RFX3: variants seen among roughly 807,000 people sequenced by gnomAD.
RFX3 encodes the protein regulatory factor X3.
In RFX3, 14 loss-of-function variants were observed where a neutral mutation model predicts 98.6. The ratio of observed to expected loss-of-function variants is 0.14; its 90% CI spans 0.09 to 0.22. The LOEUF (loss-of-function observed/expected upper bound fraction) is 0.22. RFX3 is among the 10% of genes least tolerant of loss of function. RFX3 has a pLI of 1.00. For missense variants in RFX3, 639 were observed against 926.9 expected, an observed-to-expected ratio of 0.69 and a Z score of 4.03; for synonymous variants, 383 against 328.4, an observed-to-expected ratio of 1.17 and a Z score of -1.80.
chr9:3,457,232 C>T (rs1032921600), intron 1 of RFX3, among the ~76,000 whole-genome samples: 51 of 150,262 alleles, frequency 3.4e-4, no homozygotes, highest in Non-Finnish European at 6.4e-4. Context: ...AGAATTCTAC[C>T]TTTTCCTCTC....
chr9:3,339,328 T>C (rs1473469554), intron 3 of RFX3, among the ~76,000 whole-genome samples: 1 of 152,156 alleles, frequency 6.6e-6, no homozygotes, highest in African/African-American at 2.4e-5. Context: ...AAATCAATTT[T>C]AGCAGAAATG....
At chr9:3,519,090 A>G (rs1371415543) in intron 1 of RFX3, among the ~76,000 whole-genome samples, 2 of 152,228 alleles carry the variant, frequency 1.3e-5, no homozygotes, top group South Asian at 2.1e-4. Context: ...AAATAAAAAT[A>G]TAAGTGGGAC....
chr9:3,424,439 G>A (rs1000805783), intron 1 of RFX3, among the ~76,000 whole-genome samples: 8 of 128,406 alleles, frequency 6.2e-5, no homozygotes, highest in Admixed American at 1.0e-4. Flanking sequence ...TCGACTCACT[G>A]CAAGCTCCGC....
At chr9:3,329,407 C>CAAAAAAAAAAA (rs1202028884) in intron 4 of RFX3, among the ~76,000 whole-genome samples, 17 of 38,116 alleles carry the variant, frequency 4.5e-4, no homozygotes, top group African/African-American at 1.1e-3. Flanking sequence ...GACTTCATCT[C>CAAAAAAAAAAA]AAAAAAAAAA....
chr9:3,502,244 C>CA (rs1816109757), intron 1 of RFX3, among the ~76,000 whole-genome samples: 1 of 149,770 alleles, frequency 6.7e-6, no homozygotes, highest in African/African-American at 2.5e-5. Flanking sequence ...GGAGACACAG[C>CA]AAGACTCTGT....
chr9:3,389,837 C>A (rs957332716), intron 2 of RFX3, among the ~76,000 whole-genome samples: 1 of 152,044 alleles, frequency 6.6e-6, no homozygotes, highest in Non-Finnish European at 1.5e-5. Context: ...AGTTCCAAAG[C>A]AAAAGTACTT....
At chr9:3,465,157 G>T (rs573111668) in intron 1 of RFX3, among the ~76,000 whole-genome samples, 1 of 152,162 alleles carries the variant, frequency 6.6e-6, no homozygotes, top group Non-Finnish European at 1.5e-5. Flanking sequence ...CTTGCAATCT[G>T]AACTCTTTAC....
intron 15 of RFX3, among the ~76,000 whole-genome samples, chr9:3,244,004 A>AT (rs1287431112): frequency 1.5e-5 from 1 of 67,804 alleles, no homozygotes; most frequent in Non-Finnish European, 4.2e-5. Flanking sequence ...TTCTATTTTT[A>AT]TTATTTTTTT....
At chr9:3,349,079 G>C (rs982015790) in intron 2 of RFX3, among the ~76,000 whole-genome samples, 8 of 151,886 alleles carry the variant, frequency 5.3e-5, no homozygotes, top group African/African-American at 1.9e-4. Context: ...CATATTTTTT[G>C]AAGGATAAAA....
At chr9:3,435,513 A>G (rs1043392391) in intron 1 of RFX3, among the ~76,000 whole-genome samples, 19 of 152,112 alleles carry the variant, frequency 1.2e-4, no homozygotes, top group African/African-American at 4.6e-4. Flanking sequence ...CTCTATTATA[A>G]CCTTAGGGGA....
At chr9:3,242,035 T>C (rs764178246) in intron 15 of RFX3, among the ~76,000 whole-genome samples, 3 of 152,176 alleles carry the variant, frequency 2.0e-5, no homozygotes, top group Non-Finnish European at 4.4e-5. Context: ...ATAATCCCTA[T>C]TTTGAAACTA....
At chr9:3,397,738 G>A (rs1841045585) in intron 1 of RFX3, among the ~76,000 whole-genome samples, 1 of 152,128 alleles carries the variant, frequency 6.6e-6, no homozygotes, top group Admixed American at 6.5e-5. Flanking sequence ...CCCTAAAGCA[G>A]CACAATAAAC....
chr9:3,431,184 A>G (rs1263234989), intron 1 of RFX3, among the ~76,000 whole-genome samples: 2 of 152,178 alleles, frequency 1.3e-5, no homozygotes, highest in Non-Finnish European at 2.9e-5. Flanking sequence ...TCATCTTTCC[A>G]GTAAATTGTG....
At chr9:3,343,784 G>C (rs949192641) in intron 3 of RFX3, among the ~76,000 whole-genome samples, 1 of 152,164 alleles carries the variant, frequency 6.6e-6, no homozygotes, top group African/African-American at 2.4e-5. Context: ...GTGCACATTT[G>C]TGACATTATT....
At chr9:3,421,619 G>C (rs1843446576) in intron 1 of RFX3, among the ~76,000 whole-genome samples, 1 of 152,082 alleles carries the variant, frequency 6.6e-6, no homozygotes, top group African/African-American at 2.4e-5. Flanking sequence ...AATTCATTTG[G>C]TTATCCCATT....
At chr9:3,346,595 T>G in intron 3 of RFX3, 72 bp downstream of exon 3, 1 of 896,542 alleles carries the variant, frequency 1.1e-6, no homozygotes, top group East Asian at 2.4e-5. Context: ...CTGGGAATAG[T>G]GGGAGGTGTT....
intron 4 of RFX3, among the ~76,000 whole-genome samples, chr9:3,318,654 T>C (rs1027360203): frequency 6.6e-6 from 1 of 152,098 alleles, no homozygotes; most frequent in Non-Finnish European, 1.5e-5. Flanking sequence ...GTTTTATAAA[T>C]GTTCAAATAC....
intron 14 of RFX3, among the ~76,000 whole-genome samples, chr9:3,251,303 G>A (rs72699004): frequency 0.11 from 16,611 of 151,984 alleles, 920 homozygotes; most frequent in Middle Eastern, 0.21. Context: ...GGTAATTTCC[G>A]GGTAGAAGTT....
At chr9:3,304,973 C>G (rs1829105948) in intron 4 of RFX3, among the ~76,000 whole-genome samples, 1 of 151,950 alleles carries the variant, frequency 6.6e-6, no homozygotes, top group Non-Finnish European at 1.5e-5. Flanking sequence ...TGTGAACTCT[C>G]TACTTGGAAA....
Sources: gnomAD v4.1 joint callset for allele counts (sites outside exome capture counted in the v4.1 genomes callset) on GRCh38, gnomAD v4.1.1 for gene constraint, MANE v1.5 for transcripts, NCBI Gene and HGNC (gene_info 2026-07-23, HGNC 2026-07-21) for gene names.